Variants in LRBA observed in about 807,000 individuals in gnomAD.
LRBA encodes lipopolysaccharide-responsive and beige-like anchor protein.
Under a neutral mutation model 330.0 loss-of-function variants are expected in LRBA, and 176 were observed. That is an observed-to-expected ratio of 0.53 (90% confidence interval 0.47 to 0.60). The LOEUF is 0.60. Among genes scored for constraint, LRBA ranks in the 20% least tolerant of loss-of-function variants. The pLI, the probability that LRBA is intolerant of heterozygous loss-of-function variation, is 0.00. For synonymous variants in LRBA, 1,230 were observed against 1,193.0 expected (o/e 1.03, Z -0.64); for missense variants, 3,259 against 3,444.8 (o/e 0.95, Z 1.35).
rs35876577 is a variant in LRBA at position 150,344,156 on chromosome 4, TA to T, written c.7362+5835del. Among the ~76,000 whole-genome samples the T allele has an allele frequency of 9.3e-3, 1,405 of 151,448 alleles. 18 individuals are homozygous for T. The highest frequency in any genetic ancestry group is 0.027 in the African/African-American group (1,108 of 41,380). ...GAAACATAGTCCAATATTTACTCATTAAAAAAAAATTATCCTTTAGAGCAAC... is the reference window on the plus strand; with the variant it reads ...GAAACATAGTCCAATATTTACTCATTAAAAAAAATTATCCTTTAGAGCAAC... On this transcript the variant is annotated intron_variant, in intron 48 of 56. Transcript: ENST00000651943.
intron 36 of LRBA, among the ~76,000 whole-genome samples, chr4:150,709,577 G>A (rs1785976834): frequency 6.6e-6 from 1 of 151,882 alleles, no homozygotes; most frequent in Admixed American, 6.6e-5. Flanking sequence ...AATCAAATGT[G>A]TGGACTGTAA....
At chr4:150,465,956 T>C (rs1330546049) in intron 44 of LRBA, among the ~76,000 whole-genome samples, 4 of 152,150 alleles carry the variant, frequency 2.6e-5, no homozygotes, top group South Asian at 2.1e-4. Flanking sequence ...TAATAAATTA[T>C]GAAATGTATT....
intron 37 of LRBA, among the ~76,000 whole-genome samples, chr4:150,662,770 C>T (rs1206142065): frequency 6.6e-6 from 1 of 151,874 alleles, no homozygotes; most frequent in East Asian, 1.9e-4. Context: ...AGTTTGAGAC[C>T]AGTCTGGGCA....
chr4:150,714,606 T>C (rs958255519), intron 36 of LRBA, among the ~76,000 whole-genome samples: 8 of 152,146 alleles, frequency 5.3e-5, no homozygotes, highest in Admixed American at 3.3e-4. Context: ...TTAATACCAA[T>C]GTATTGTATT....
intron 46 of LRBA, among the ~76,000 whole-genome samples, chr4:150,419,175 C>T (rs2151958989): frequency 6.6e-6 from 1 of 152,302 alleles, no homozygotes; most frequent in East Asian, 1.9e-4. Context: ...TCCGTTCTTT[C>T]TCTCAATCAA....
At chr4:150,947,047 C>A (rs1184276487) in intron 2 of LRBA, among the ~76,000 whole-genome samples, 1 of 151,708 alleles carries the variant, frequency 6.6e-6, no homozygotes, top group East Asian at 1.9e-4. Context: ...TTTGAATAAT[C>A]CTATAATTAT....
rs776998868 is a variant in LRBA, at chr4:150,831,908, G to A, written c.4638C>T (p.Ser1546=). ...GGGGTTCCAAAATGTCTCTGTACTTGGAGACCATAAGAACAGAGATAAAGT... is the reference window on the plus strand; with the variant it reads ...GGGGTTCCAAAATGTCTCTGTACTTAGAGACCATAAGAACAGAGATAAAGT... ...VVYFISVLMV[S]KYRDILEPQN... is the part of the protein sequence containing the mutation. The change falls in exon 29 of 57, where the codon TCC becomes TCT. Residue 1546 remains serine, a synonymous_variant. Transcript: ENST00000651943. The A allele has an allele frequency of 6.2e-7, 1 of 1,602,842 alleles. No homozygotes were observed. Among genetic ancestry groups the A allele is most frequent in the East Asian group, 2.3e-5 (1 of 44,376 alleles).
chr4:150,445,375 CTCTATATATATATATATA>C (rs1309591517), intron 44 of LRBA, among the ~76,000 whole-genome samples: 1 of 82,972 alleles, frequency 1.2e-5, no homozygotes, highest in Non-Finnish European at 2.5e-5. Flanking sequence ...CTCTCTCTCT[CTCTATATATATATATATA>C]TATATATATA....
intron 48 of LRBA, among the ~76,000 whole-genome samples, chr4:150,334,616 T>A (rs1734397271): frequency 6.6e-6 from 1 of 152,128 alleles, no homozygotes; most frequent in African/African-American, 2.4e-5. Context: ...TATTTGCTAT[T>A]TTCTCTGATG....
At chr4:150,359,446 G>A (rs902732603) in intron 47 of LRBA, among the ~76,000 whole-genome samples, 2 of 152,138 alleles carry the variant, frequency 1.3e-5, no homozygotes, top group African/African-American at 4.8e-5. Flanking sequence ...AAAGATTTAA[G>A]ATACAAGTTA....
At chr4:150,616,629 GA>G (rs1775795825) in intron 37 of LRBA, among the ~76,000 whole-genome samples, 1 of 152,136 alleles carries the variant, frequency 6.6e-6, no homozygotes, top group Non-Finnish European at 1.5e-5. Flanking sequence ...TGGTGACCTT[GA>G]AAAGAACAGC....
intron 40 of LRBA, among the ~76,000 whole-genome samples, chr4:150,547,453 T>C (rs1272112913): frequency 6.6e-6 from 1 of 152,162 alleles, no homozygotes; most frequent in South Asian, 2.1e-4. Context: ...ATCTGAAGTA[T>C]TGTTCCCGTT....
chr4:150,432,452 T>TC (rs1193053305), intron 46 of LRBA, among the ~76,000 whole-genome samples: 25 of 103,954 alleles, frequency 2.4e-4, no homozygotes, highest in Admixed American at 2.2e-3. Flanking sequence ...TTAAGTGTGT[T>TC]CTTTTTTTTT....
Position 150,871,351 on chromosome 4 carries a change from C to T in LRBA, c.2361G>A (p.Leu787=). 1 of 1,586,312 alleles carries T rather than the reference C, an allele frequency of 6.3e-7. No homozygotes were observed. Residue 787 remains leucine, a synonymous_variant, in exon 19 of 57, where the codon CTG becomes CTA. Transcript: ENST00000651943. ...ATCCTAAGTACATTCCTACCTCAAACAGCACATTATATGTGGTCATTGTGA... is the reference window on the plus strand; with the variant it reads ...ATCCTAAGTACATTCCTACCTCAAATAGCACATTATATGTGGTCATTGTGA... The part of the protein sequence containing the change: ...NLITMTTYNV[L]FEILIEQIGT...
rs144023738 is a variant in LRBA, at chr4:150,824,722, T to C, written c.5171+3458A>G. Among the ~76,000 whole-genome samples, 933 of 152,308 alleles carry C rather than the reference T, an allele frequency of 6.1e-3. 4 individuals are homozygous for C. The highest frequency in any genetic ancestry group is 9.4e-3 in the Non-Finnish European group (639 of 68,018). ...TGATGTATCACACTGATAGTTTGTGTATGCTCAGACATTCTTGCATCCCCA... is the reference window on the plus strand; with the variant it reads ...TGATGTATCACACTGATAGTTTGTGCATGCTCAGACATTCTTGCATCCCCA... On this transcript the variant is annotated intron_variant, in intron 30 of 56. Transcript: ENST00000651943.
At chr4:150,345,893 C>A (rs1199161944) in intron 48 of LRBA, among the ~76,000 whole-genome samples, 1 of 151,992 alleles carries the variant, frequency 6.6e-6, no homozygotes, top group African/African-American at 2.4e-5. Context: ...GCAGCCTTGA[C>A]CTCCTGGGCT....
At chr4:150,791,077 C>T (rs968496607) in intron 34 of LRBA, among the ~76,000 whole-genome samples, 3 of 152,276 alleles carry the variant, frequency 2.0e-5, no homozygotes, top group African/African-American at 7.2e-5. Flanking sequence ...TGTACTGAAA[C>T]CAACATTTTC....
In LRBA at chr4:150,916,819, T is replaced by C. The variant is rs1229820139; in HGVS notation, c.646-81A>G. 6.3e-6 allele frequency: 7 copies of C among 1,109,210 alleles called. No homozygotes were observed. In the African/African-American group the frequency reaches 1.1e-4, roughly 17 times the overall value. The allele number at this position is 1,109,210 out of a possible 1,614,324, so 68.7% of individuals were successfully genotyped here. A position where few individuals can be genotyped will look rare whatever the true frequency, so the allele number is the denominator to read the frequency against. The stretch of plus-strand genomic sequence containing the variant: ...TCATGAAAATAAGACTTTGCAATGC[T>C]ACATATATTTGTACTACATCACATT... On this transcript the variant is annotated intron_variant, in intron 5 of 56. Transcript: ENST00000651943.
intron 37 of LRBA, among the ~76,000 whole-genome samples, chr4:150,638,530 A>C (rs1413728430): frequency 6.6e-6 from 1 of 152,206 alleles, no homozygotes; most frequent in East Asian, 1.9e-4. Flanking sequence ...GAGAATACTT[A>C]AGAACACATA....
Sources: allele counts gnomAD v4.1 joint callset (sites outside exome capture counted in the v4.1 genomes callset), GRCh38; gene constraint gnomAD v4.1.1; transcripts MANE v1.5; gene names NCBI Gene and HGNC (gene_info 2026-07-23, HGNC 2026-07-21).